Variants in DIS3L2 observed in about 807,000 individuals in gnomAD.
The protein encoded by DIS3L2 is DIS3-like exonuclease 2.
Under a neutral mutation model 97.5 loss-of-function variants are expected in DIS3L2, and 34 were observed. That is an observed-to-expected ratio of 0.35 (90% CI 0.27 to 0.46). DIS3L2 has a LOEUF of 0.46. Among genes scored for constraint, DIS3L2 ranks in the 20% least tolerant of loss-of-function variants. The probability of loss-of-function intolerance (pLI) is 1.00; values close to 1 mark genes in which losing one functional copy is unlikely to be tolerated. For missense variants in DIS3L2, 1,038 were observed against 1,146.0 expected, an observed-to-expected ratio of 0.91 and a Z score of 1.36; for synonymous variants, 435 against 445.2, an observed-to-expected ratio of 0.98 and a Z score of 0.29.
intron 1 of DIS3L2, among the ~76,000 whole-genome samples, chr2:231,966,505 C>T (rs1313597250): frequency 5.3e-5 from 8 of 151,984 alleles, no homozygotes; most frequent in African/African-American, 1.9e-4. Context: ...CACTCTGCTG[C>T]CCAGGCTGGA....
At chr2:232,126,106 CT>C (rs1698058096) in intron 6 of DIS3L2, among the ~76,000 whole-genome samples, 1 of 152,186 alleles carries the variant, frequency 6.6e-6, no homozygotes, top group Admixed American at 6.5e-5. Context: ...CACCTAGATT[CT>C]AACCTCAGCT....
At chr2:232,174,445 G>A (rs868365868) in intron 9 of DIS3L2, among the ~76,000 whole-genome samples, 37 of 151,816 alleles carry the variant, frequency 2.4e-4, no homozygotes, top group African/African-American at 8.5e-4. Flanking sequence ...AATTAGCCAG[G>A]CTTGGTGGCA....
intron 4 of DIS3L2, 40 bp downstream of exon 4, chr2:232,024,370 T>A: frequency 6.7e-7 from 1 of 1,492,658 alleles, no homozygotes; most frequent in Non-Finnish European, 9.2e-7. Flanking sequence ...ATGTCACATT[T>A]AATTTTTTAG....
At position 232,249,278 on chromosome 2, in the gene DIS3L2, T is replaced by G; in HGVS notation, c.1357T>G (p.Cys453Gly). The G allele has an allele frequency of 6.2e-7, 1 of 1,614,192 alleles. No individual in the cohort carries two copies. The highest frequency in any genetic ancestry group is 8.5e-7 in the Non-Finnish European group (1 of 1,180,036). The change falls in exon 12 of 21, where the codon TGC becomes GGC. Residue 453 changes from cysteine (C) to glycine (G), a missense_variant. Cys to Gly is a radical substitution (Grantham distance 159). Transcript: ENST00000325385. ...TCCCAGGCTGCTGTGTGAGGAGCTG[T>G]GCAGCCTCAACCCCATGTCCGACAA... is the stretch of plus-strand genomic sequence containing the variant. ...MLPRLLCEEL[C>G]SLNPMSDKLT...
intron 10 of DIS3L2, among the ~76,000 whole-genome samples, chr2:232,217,055 C>T (rs1692360242): frequency 6.6e-6 from 1 of 152,148 alleles, no homozygotes; most frequent in Admixed American, 6.5e-5. Context: ...ATTGGCCAGG[C>T]TGGTCTTGAA....
intron 9 of DIS3L2, among the ~76,000 whole-genome samples, chr2:232,195,860 A>G: frequency 6.6e-6 from 1 of 152,152 alleles, no homozygotes; most frequent in South Asian, 2.1e-4. Flanking sequence ...ATTATTTTAA[A>G]TCTTGCTAAT....
chr2:231,986,200 CACTA>C (rs890013535), intron 1 of DIS3L2, among the ~76,000 whole-genome samples: 9 of 152,146 alleles, frequency 5.9e-5, no homozygotes, highest in African/African-American at 1.9e-4. Flanking sequence ...TGGACTGAGC[CACTA>C]ATGGCTTCTT....
rs543989982 is a variant in DIS3L2 at position 232,200,685 on chromosome 2, T to C, written c.1125-9641T>C. On this transcript the variant is annotated intron_variant, in intron 9 of 20. Transcript: ENST00000325385. The stretch of plus-strand genomic sequence containing the variant: ...GAAGATAGCCAGCAAATGTAGGAGA[T>C]ATTATAGGATTAGCAAACATTTTAT... 6.6e-5 allele frequency among the ~76,000 whole-genome samples: 10 copies of C among 151,880 alleles called. No individual in the cohort carries two copies. The South Asian group carries it at 2.1e-3, about 32-fold the overall frequency.
At chr2:232,241,099 A>G (rs1005081632) in intron 11 of DIS3L2, among the ~76,000 whole-genome samples, 2 of 152,156 alleles carry the variant, frequency 1.3e-5, no homozygotes, top group African/African-American at 4.8e-5. Flanking sequence ...CCGGCCCGCA[A>G]CCTTGGACAG....
chr2:232,128,451 ATTTTTTTTTTT>A (rs10682281), intron 6 of DIS3L2, among the ~76,000 whole-genome samples: 7 of 71,676 alleles, frequency 9.8e-5, no homozygotes, highest in African/African-American at 1.8e-4. Flanking sequence ...AACTTTGCTA[ATTTTTTTTTTT>A]TTTTTTTTTT....
At chr2:232,251,465 A>G (rs747227107) in intron 12 of DIS3L2, among the ~76,000 whole-genome samples, 5 of 152,224 alleles carry the variant, frequency 3.3e-5, no homozygotes, top group Non-Finnish European at 7.3e-5. Context: ...AAATTAGAAG[A>G]CTAGTCCAAG....
chr2:232,327,777 G>T (rs1261308289), intron 14 of DIS3L2, among the ~76,000 whole-genome samples: 1 of 152,208 alleles, frequency 6.6e-6, no homozygotes, highest in African/African-American at 2.4e-5. Flanking sequence ...GAGACCCCCA[G>T]CTGGCCATGT....
intron 13 of DIS3L2, among the ~76,000 whole-genome samples, chr2:232,271,017 T>C (rs902398204): frequency 1.1e-4 from 17 of 152,212 alleles, no homozygotes; most frequent in Admixed American, 6.5e-4. Context: ...TTTCATATTT[T>C]ATTTTCATGA....
chr2:232,175,779 G>T (rs1446143033), intron 9 of DIS3L2, among the ~76,000 whole-genome samples: 1 of 152,028 alleles, frequency 6.6e-6, no homozygotes, highest in Non-Finnish European at 1.5e-5. Context: ...TTTTGTGTGT[G>T]TGTCGGCGAT....
At chr2:232,235,731 G>C (rs1263949720) in intron 10 of DIS3L2, among the ~76,000 whole-genome samples, 2 of 152,146 alleles carry the variant, frequency 1.3e-5, no homozygotes, top group African/African-American at 4.8e-5. Flanking sequence ...ATATTATAAT[G>C]CTGACTTCAA....
intron 8 of DIS3L2, among the ~76,000 whole-genome samples, chr2:232,147,210 A>T (rs1378718500): frequency 6.6e-6 from 1 of 152,130 alleles, no homozygotes; most frequent in Non-Finnish European, 1.5e-5. Flanking sequence ...GGCTCAAGTG[A>T]TCCTCCCACC....
At chr2:232,156,751 T>G (rs548709799) in intron 8 of DIS3L2, among the ~76,000 whole-genome samples, 17 of 152,316 alleles carry the variant, frequency 1.1e-4, no homozygotes, top group African/African-American at 4.1e-4. Context: ...CACTGTGTTC[T>G]AGGTCAGCCT....
At chr2:232,053,498 C>T (rs144465504) in intron 5 of DIS3L2, among the ~76,000 whole-genome samples, 153 of 152,194 alleles carry the variant, frequency 1.0e-3, no homozygotes, top group East Asian at 9.1e-3. Flanking sequence ...TAGCACAGAC[C>T]CCACAGGTTA....
At chr2:232,328,246 A>G (rs535662756) in intron 14 of DIS3L2, among the ~76,000 whole-genome samples, 48 of 152,310 alleles carry the variant, frequency 3.2e-4, no homozygotes, top group East Asian at 3.1e-3. Flanking sequence ...CACCTGCCTT[A>G]CTGTGTGCCA....
Sources: allele counts gnomAD v4.1 joint callset (sites outside exome capture counted in the v4.1 genomes callset), GRCh38; gene constraint gnomAD v4.1.1; transcripts MANE v1.5; gene names NCBI Gene and HGNC (gene_info 2026-07-23, HGNC 2026-07-21).